Variants in RCAN2 observed in about 807,000 individuals in gnomAD.
RCAN2 encodes the protein calcipressin-2.
A neutral mutation model predicts 23.6 loss-of-function variants in RCAN2; 9 were observed. The observed-to-expected ratio is 0.38, with a 90% CI of 0.23 to 0.67. The LOEUF (loss-of-function observed/expected upper bound fraction) is 0.67. Among genes scored for constraint, RCAN2 ranks in the 30% least tolerant of loss-of-function variants. RCAN2 has a pLI of 0.51. For synonymous variants in RCAN2, 109 were observed against 115.7 expected (o/e 0.94, Z 0.37); for missense variants, 273 against 302.3 (o/e 0.90, Z 0.72).
At chr6:46,273,973 A>G (rs563673850) in intron 2 of RCAN2, among the ~76,000 whole-genome samples, 2 of 152,148 alleles carry the variant, frequency 1.3e-5, no homozygotes, top group African/African-American at 2.4e-5. Flanking sequence ...GGCTGGGTAC[A>G]TAAGATGCTG....
Position 46,379,548 on chromosome 6 carries a change from G to T in RCAN2, c.225+77204C>A, listed in dbSNP as rs147812465. Among the ~76,000 whole-genome samples the T allele has an allele frequency of 9.3e-4, 141 of 152,234 alleles. 2 individuals are homozygous for T. The highest frequency in any genetic ancestry group is 3.0e-3 in the African/African-American group (125 of 41,534). On this transcript the variant is annotated intron_variant, in intron 2 of 4. Coordinates refer to ENST00000371374, the MANE Select transcript of RCAN2 (RefSeq NM_001251974.2). ...TGTAATCCAGTTACAATATGTTAGT[G>T]TTTCCTGATGAATATGCTTTTGATG...
At chr6:46,336,762 T>G (rs1764157020) in intron 2 of RCAN2, among the ~76,000 whole-genome samples, 2 of 152,162 alleles carry the variant, frequency 1.3e-5, no homozygotes, top group Admixed American at 1.3e-4. Flanking sequence ...ATTGTAAATG[T>G]TGGTGACTCC....
intron 2 of RCAN2, among the ~76,000 whole-genome samples, chr6:46,394,391 A>G (rs1766027254): frequency 1.3e-5 from 2 of 149,868 alleles, no homozygotes; most frequent in African/African-American, 5.0e-5. Context: ...TGCCTATGTT[A>G]GTTTCACATT....
At chr6:46,229,851 G>A (rs1343817799) in intron 4 of RCAN2, among the ~76,000 whole-genome samples, 1 of 152,200 alleles carries the variant, frequency 6.6e-6, no homozygotes, top group Non-Finnish European at 1.5e-5. Context: ...GAGAAGAGGT[G>A]CTCTGATTTT....
intron 2 of RCAN2, among the ~76,000 whole-genome samples, chr6:46,375,790 A>G (rs1489411722): frequency 1.3e-5 from 2 of 152,240 alleles, no homozygotes; most frequent in Non-Finnish European, 2.9e-5. Context: ...CTCTGTTCCA[A>G]TAAAACTTTA....
At chr6:46,326,072 C>T (rs566908385) in intron 2 of RCAN2, among the ~76,000 whole-genome samples, 18 of 152,316 alleles carry the variant, frequency 1.2e-4, no homozygotes, top group Admixed American at 1.0e-3. Context: ...TCAGAGCAGC[C>T]ACACATGTTC....
At chr6:46,366,764 C>A (rs1271638193) in intron 2 of RCAN2, among the ~76,000 whole-genome samples, 5 of 151,394 alleles carry the variant, frequency 3.3e-5, no homozygotes, top group African/African-American at 1.2e-4. Context: ...CCATCAATGA[C>A]CCCTACCCTT....
intron 1 of RCAN2, among the ~76,000 whole-genome samples, chr6:46,485,056 T>C (rs1417317411): frequency 6.6e-6 from 1 of 152,228 alleles, no homozygotes; most frequent in Non-Finnish European, 1.5e-5. Flanking sequence ...TAAGAAGGTC[T>C]ATCTGTTTGA....
At chr6:46,329,909 C>A (rs1763909941) in intron 2 of RCAN2, among the ~76,000 whole-genome samples, 1 of 152,182 alleles carries the variant, frequency 6.6e-6, no homozygotes, top group Admixed American at 6.5e-5. Flanking sequence ...TCCATCTCAG[C>A]AGGAGGAGAT....
intron 2 of RCAN2, among the ~76,000 whole-genome samples, chr6:46,261,957 T>C (rs553889132): frequency 4.6e-5 from 7 of 152,184 alleles, no homozygotes; most frequent in Non-Finnish European, 1.0e-4. Context: ...AGGATAAAGA[T>C]GCCAGTGACT....
At chr6:46,426,103 T>C (rs577909471) in intron 2 of RCAN2, among the ~76,000 whole-genome samples, 113 of 151,924 alleles carry the variant, frequency 7.4e-4, no homozygotes, top group African/African-American at 2.4e-3. Context: ...TTCACCATGT[T>C]GGTCAGGCTG....
chr6:46,414,952 A>G lies in RCAN2; in HGVS notation c.225+41800T>C, dbSNP rs575401864. On this transcript the variant is annotated intron_variant, in intron 2 of 4. Transcript: ENST00000371374. Reference sequence around the variant, plus strand: ...ATGGAGAAGTGAAGAGAATGTGCCTATGGATTGTGAATTCTCTAATGTGGT... The same window carrying G: ...ATGGAGAAGTGAAGAGAATGTGCCTGTGGATTGTGAATTCTCTAATGTGGT... Among the ~76,000 whole-genome samples, 10 of 152,324 alleles carry G rather than the reference A, an allele frequency of 6.6e-5. No homozygotes were observed. The East Asian group carries it at 9.6e-4, about 15-fold the overall frequency.
chr6:46,463,974 C>T (rs888114886), intron 1 of RCAN2, among the ~76,000 whole-genome samples: 1 of 151,938 alleles, frequency 6.6e-6, no homozygotes, highest in African/African-American at 2.4e-5. Context: ...CATGTTATGG[C>T]CAGCTAAGGA....
rs545119144 is a variant in RCAN2, at chr6:46,239,168, T to C, written c.571+7580A>G. Among the ~76,000 whole-genome samples the C allele has an allele frequency of 2.6e-5, 4 of 152,268 alleles. No homozygotes were observed. In the East Asian group the frequency reaches 5.8e-4, roughly 22 times the overall value. The stretch of plus-strand genomic sequence containing the variant: ...CATGTTGGATCTCCATTTACAGCTA[T>C]AAAATAAAAGGAGATATTCTGGGTG... On this transcript the variant is annotated intron_variant, in intron 4 of 4. Transcript: ENST00000371374.
chr6:46,358,791 A>G (rs1323167593), intron 2 of RCAN2, among the ~76,000 whole-genome samples: 1 of 152,114 alleles, frequency 6.6e-6, no homozygotes, highest in Admixed American at 6.5e-5. Flanking sequence ...ATCACCTGGG[A>G]GATAAGAAAA....
In RCAN2 at chr6:46,377,909, G is replaced by A. The variant is rs114300874; in HGVS notation, c.225+78843C>T. On this transcript the variant is annotated intron_variant, in intron 2 of 4. Coordinates refer to ENST00000371374, the MANE Select transcript of RCAN2 (RefSeq NM_001251974.2). Reference sequence around the variant, plus strand: ...CCATACCACAATTTTCTACATAATAGATACAATGCCAGTGACCTAATAAAC... The same window carrying A: ...CCATACCACAATTTTCTACATAATAAATACAATGCCAGTGACCTAATAAAC... 4.0e-3 allele frequency among the ~76,000 whole-genome samples: 608 copies of A among 152,238 alleles called. 6 individuals are homozygous for A. The highest frequency in any genetic ancestry group is 0.014 in the African/African-American group (585 of 41,516).
At chr6:46,436,144 T>C (rs1348473402) in intron 2 of RCAN2, among the ~76,000 whole-genome samples, 1 of 152,244 alleles carries the variant, frequency 6.6e-6, no homozygotes, top group Non-Finnish European at 1.5e-5. Context: ...GACTAGACAA[T>C]GGCAGTTGAC....
chr6:46,311,376 C>T (rs1432203580), intron 2 of RCAN2, among the ~76,000 whole-genome samples: 4 of 152,196 alleles, frequency 2.6e-5, no homozygotes, highest in Non-Finnish European at 5.9e-5. Context: ...GCAACTCACG[C>T]CCCAACCAAT....
intron 2 of RCAN2, among the ~76,000 whole-genome samples, chr6:46,345,458 C>T (rs1489419999): frequency 6.6e-6 from 1 of 152,084 alleles, no homozygotes; most frequent in Non-Finnish European, 1.5e-5. Context: ...TTCAGATGTA[C>T]ACAGGTGTAT....
Sources: allele counts gnomAD v4.1 joint callset (sites outside exome capture counted in the v4.1 genomes callset), GRCh38; gene constraint gnomAD v4.1.1; transcripts MANE v1.5; gene names NCBI Gene and HGNC (gene_info 2026-07-23, HGNC 2026-07-21).